The following CCDC57 variants were observed in gnomAD, a reference collection of about 807,000 sequenced individuals.
CCDC57 encodes coiled-coil domain containing 57, also known as coiled-coil domain-containing protein 57.
A neutral mutation model predicts 118.9 loss-of-function variants in CCDC57; 118 were observed. The observed-to-expected ratio is 0.99, with a 90% CI of 0.86 to 1.16. The LOEUF is 1.16. Ranked by LOEUF, CCDC57 falls within the 50% of genes most tolerant of loss-of-function variation. The pLI, the probability that CCDC57 is intolerant of heterozygous loss-of-function variation, is 0.00. For synonymous variants in CCDC57, 527 were observed against 532.9 expected, an observed-to-expected ratio of 0.99 and a Z score of 0.15; for missense variants, 1,300 against 1,320.7, an observed-to-expected ratio of 0.98 and a Z score of 0.24.
intron 19 of CCDC57, among the ~76,000 whole-genome samples, chr17:82,123,982 CAAAA>C (rs200031813): frequency 3.6e-3 from 231 of 64,294 alleles, no homozygotes; most frequent in African/African-American, 0.013. Flanking sequence ...CATCCAAAAG[CAAAA>C]AAAAAAAAAA....
chr17:82,123,863 C>T (rs193289091), intron 19 of CCDC57, among the ~76,000 whole-genome samples: 79 of 151,512 alleles, frequency 5.2e-4, no homozygotes, highest in African/African-American at 1.8e-3. Flanking sequence ...AGCAAAGCAA[C>T]GCTTGGAGGA....
At chr17:82,143,591 A>G (rs923241171) in intron 16 of CCDC57, among the ~76,000 whole-genome samples, 3 of 152,208 alleles carry the variant, frequency 2.0e-5, no homozygotes, top group African/African-American at 7.2e-5. Context: ...GATCTCCAGA[A>G]GAGATTAGAC....
chr17:82,193,066 G>C (rs764241421), intron 7 of CCDC57, among the ~76,000 whole-genome samples: 1 of 152,066 alleles, frequency 6.6e-6, no homozygotes, highest in Non-Finnish European at 1.5e-5. Context: ...GTTTTGTTTT[G>C]TTTTGTTTTT....
intron 14 of CCDC57, among the ~76,000 whole-genome samples, chr17:82,159,674 CTT>C (rs67809116): frequency 0.46 from 65,652 of 142,134 alleles, 15,357 homozygotes; most frequent in East Asian, 0.87. Context: ...TTGTCATTTT[CTT>C]TTTTTTTTTT....
chr17:82,170,342 T>C (rs1009092359), intron 13 of CCDC57, among the ~76,000 whole-genome samples: 4 of 152,008 alleles, frequency 2.6e-5, no homozygotes, highest in African/African-American at 9.7e-5. Flanking sequence ...ACCTCATCTC[T>C]ACTAAAAATA....
intron 16 of CCDC57, among the ~76,000 whole-genome samples, chr17:82,145,438 T>C (rs1196852573): frequency 2.0e-5 from 3 of 151,864 alleles, no homozygotes; most frequent in African/African-American, 7.3e-5. Flanking sequence ...TACCAGCTAC[T>C]TGGGAGGCTG....
At chr17:82,130,053 TAGAC>T (rs1021638641) in intron 17 of CCDC57, among the ~76,000 whole-genome samples, 35 of 151,874 alleles carry the variant, frequency 2.3e-4, no homozygotes, top group Admixed American at 7.2e-4. Context: ...AATTAAAAAT[TAGAC>T]AGGTGTGATG....
At chr17:82,177,170 G>A (rs35051180) in intron 11 of CCDC57, among the ~76,000 whole-genome samples, 36,980 of 151,856 alleles carry the variant, frequency 0.24, 5,265 homozygotes, top group Non-Finnish European at 0.33. Context: ...ACCTGGGTCA[G>A]GAGTTCGAGA....
chr17:82,199,483 A>C (rs539634923), intron 3 of CCDC57, among the ~76,000 whole-genome samples: 1 of 151,628 alleles, frequency 6.6e-6, no homozygotes, highest in South Asian at 2.1e-4. Context: ...GTCTCAAAAA[A>C]AAAAAAAGAG....
At chr17:82,201,450 G>A (rs1033515145) in intron 3 of CCDC57, 88 bp downstream of exon 2, 8 of 1,406,548 alleles carry the variant, frequency 5.7e-6, no homozygotes, top group Non-Finnish European at 7.5e-6. Context: ...GTGAGAGTGG[G>A]CAGTGCTCGG....
chr17:82,126,601 C>A (rs929309072), intron 19 of CCDC57: 7 of 985,382 alleles, frequency 7.1e-6, no homozygotes, highest in Non-Finnish European at 7.2e-6. Context: ...CTGCCACCGG[C>A]AAAAGTTCCG....
intron 16 of CCDC57, among the ~76,000 whole-genome samples, chr17:82,150,891 A>G (rs1320561852): frequency 8.7e-4 from 26 of 29,776 alleles, no homozygotes; most frequent in South Asian, 2.0e-3. Flanking sequence ...CCAGAACCTG[A>G]CCCACACCCA....
intron 13 of CCDC57, among the ~76,000 whole-genome samples, chr17:82,168,182 ATAT>A (rs1405827531): frequency 1.3e-5 from 2 of 152,196 alleles, no homozygotes; most frequent in Non-Finnish European, 1.5e-5. Flanking sequence ...TACTTGAAAA[ATAT>A]TATGCCACTT....
intron 19 of CCDC57, among the ~76,000 whole-genome samples, chr17:82,117,226 G>A (rs1025582476): frequency 2.0e-5 from 3 of 152,008 alleles, no homozygotes; most frequent in African/African-American, 7.3e-5. Flanking sequence ...GGTGGCGCAC[G>A]CCATAACCCC....
chr17:82,207,091 C>T (rs1035693054), intron 2 of CCDC57, among the ~76,000 whole-genome samples: 11 of 152,142 alleles, frequency 7.2e-5, no homozygotes, highest in Non-Finnish European at 1.5e-4. Context: ...CCCCGGTTGT[C>T]CCAGCACTTT....
intron 19 of CCDC57, among the ~76,000 whole-genome samples, chr17:82,117,646 C>T (rs2036095190): frequency 6.6e-6 from 1 of 151,624 alleles, no homozygotes; most frequent in Admixed American, 6.6e-5. Context: ...CGGAGTGAGA[C>T]TCCATCTCAA....
At chr17:82,134,902 C>T (rs8067875) in intron 16 of CCDC57, among the ~76,000 whole-genome samples, 71,133 of 152,004 alleles carry the variant, frequency 0.47, 17,448 homozygotes, top group East Asian at 0.88. Context: ...CCACATCAAA[C>T]GAGATCCTTT....
chr17:82,190,405 C>T lies in CCDC57; in HGVS notation c.852-1986G>A, dbSNP rs1252357034. 3.9e-5 allele frequency among the ~76,000 whole-genome samples: 6 copies of T among 152,248 alleles called. No homozygotes were observed. The East Asian group carries it at 1.2e-3, about 29-fold the overall frequency. On this transcript the variant is annotated intron_variant, in intron 7 of 19. Transcript: ENST00000665763. Reference sequence around the variant, plus strand: ...TGCAGCTGCTGGCCATTCTAAAACACATTAATCCAGTCTGGGTGTGGTGCT... The same window carrying T: ...TGCAGCTGCTGGCCATTCTAAAACATATTAATCCAGTCTGGGTGTGGTGCT...
intron 19 of CCDC57, among the ~76,000 whole-genome samples, chr17:82,109,355 A>G (rs780554804): frequency 9.2e-5 from 14 of 152,372 alleles, no homozygotes; most frequent in Non-Finnish European, 2.1e-4. Context: ...GAGCTGGCAG[A>G]TGTTACCACA....
Sources: gnomAD v4.1 joint callset for allele counts (sites outside exome capture counted in the v4.1 genomes callset) on GRCh38, gnomAD v4.1.1 for gene constraint, MANE v1.5 for transcripts, NCBI Gene and HGNC (gene_info 2026-07-23, HGNC 2026-07-21) for gene names.